RBMS3: variants seen among roughly 807,000 people sequenced by gnomAD.
RBMS3 encodes RNA-binding motif, single-stranded-interacting protein 3.
A neutral mutation model predicts 66.8 loss-of-function variants in RBMS3; 27 were observed. The ratio of observed to expected loss-of-function variants is 0.40; its 90% CI spans 0.30 to 0.56. The LOEUF is 0.56. Ranked by LOEUF, RBMS3 falls within the 20% of genes least tolerant of loss-of-function variation. The probability of loss-of-function intolerance (pLI) is 0.40; values close to 1 mark genes in which losing one functional copy is unlikely to be tolerated. For synonymous variants in RBMS3, 188 were observed against 183.0 expected (o/e 1.03, Z -0.22); for missense variants, 513 against 549.5 (o/e 0.93, Z 0.66).
chr3:29,527,644 T>A (rs1032839547), intron 3 of RBMS3, among the ~76,000 whole-genome samples: 2 of 152,210 alleles, frequency 1.3e-5, no homozygotes, highest in Admixed American at 6.5e-5. Flanking sequence ...CAAAGAAATA[T>A]CAATTGATAA....
chr3:29,876,877 A>G (rs576564134), intron 7 of RBMS3, among the ~76,000 whole-genome samples: 3 of 152,216 alleles, frequency 2.0e-5, no homozygotes, highest in African/African-American at 7.2e-5. Flanking sequence ...GCACTTGATC[A>G]TGAGATTTCT....
chr3:29,303,295 T>C (rs1559473050), intron 1 of RBMS3, among the ~76,000 whole-genome samples: 3 of 152,046 alleles, frequency 2.0e-5, no homozygotes, highest in Non-Finnish European at 1.5e-5. Context: ...AACCTGGTAA[T>C]TGAAATAATT....
At chr3:29,836,330 T>C (rs1559722311) in intron 6 of RBMS3, among the ~76,000 whole-genome samples, 1 of 152,068 alleles carries the variant, frequency 6.6e-6, no homozygotes, top group Non-Finnish European at 1.5e-5. Context: ...TTCAGGTCAA[T>C]ATCTCTGATA....
At chr3:29,784,712 C>CA (rs557455910) in intron 6 of RBMS3, among the ~76,000 whole-genome samples, 19 of 151,574 alleles carry the variant, frequency 1.3e-4, no homozygotes, top group Non-Finnish European at 2.4e-4. Context: ...GAATTTGAAA[C>CA]AAAAAATATA....
At chr3:29,437,163 G>T (rs552259219) in intron 2 of RBMS3, among the ~76,000 whole-genome samples, 24 of 152,304 alleles carry the variant, frequency 1.6e-4, no homozygotes, top group African/African-American at 5.8e-4. Flanking sequence ...TTACAGACTT[G>T]GTAGCATGAA....
intron 6 of RBMS3, among the ~76,000 whole-genome samples, chr3:29,847,496 G>A (rs2058810907): frequency 6.6e-6 from 1 of 152,116 alleles, no homozygotes; most frequent in Non-Finnish European, 1.5e-5. Flanking sequence ...TCTATATTAA[G>A]TCTTGAGTCA....
chr3:29,324,924 T>C (rs2035232177), intron 1 of RBMS3, among the ~76,000 whole-genome samples: 1 of 152,168 alleles, frequency 6.6e-6, no homozygotes, highest in Admixed American at 6.5e-5. Context: ...TCATGTCATT[T>C]CTGTTATGAA....
At chr3:29,797,926 ATTCTTTCT>A in intron 6 of RBMS3, 2 of 152,040 alleles carry the variant, frequency 1.3e-5, no homozygotes, top group Non-Finnish European at 2.9e-5. Flanking sequence ...AAGACACGCA[ATTCTTTCT>A]TTCACCTGAA....
intron 7 of RBMS3, among the ~76,000 whole-genome samples, chr3:29,881,997 C>G (rs1487814911): frequency 1.3e-5 from 2 of 152,154 alleles, no homozygotes; most frequent in Admixed American, 1.3e-4. Context: ...TCCTAAATCT[C>G]TCATGCACTA....
chr3:29,577,641 C>G (rs974203143), intron 3 of RBMS3, among the ~76,000 whole-genome samples: 2 of 152,198 alleles, frequency 1.3e-5, no homozygotes, highest in Non-Finnish European at 2.9e-5. Flanking sequence ...AATGCTCCCT[C>G]TGTGTGTGGG....
intron 10 of RBMS3, among the ~76,000 whole-genome samples, chr3:29,908,248 C>G (rs2122223): frequency 1.3e-5 from 2 of 149,982 alleles, no homozygotes; most frequent in South Asian, 2.1e-4. Context: ...AAGACCTTGT[C>G]TCAAAAAAAA....
chr3:29,529,508 T>C (rs2045267621), intron 3 of RBMS3, among the ~76,000 whole-genome samples: 1 of 152,208 alleles, frequency 6.6e-6, no homozygotes, highest in South Asian at 2.1e-4. Flanking sequence ...TTTTATACTT[T>C]ATTTAATCTA....
chr3:29,807,258 CT>C (rs1225984659), intron 6 of RBMS3, among the ~76,000 whole-genome samples: 3 of 151,904 alleles, frequency 2.0e-5, no homozygotes, highest in African/African-American at 4.8e-5. Context: ...AACTAAGCAA[CT>C]GTCTTTTTCT....
At chr3:29,694,956 A>G (rs983888583) in intron 4 of RBMS3, among the ~76,000 whole-genome samples, 6 of 152,244 alleles carry the variant, frequency 3.9e-5, no homozygotes, top group Admixed American at 3.3e-4. Context: ...GTTATTCATA[A>G]CTTAGCTAAG....
In RBMS3 at chr3:29,556,118, A is replaced by C. The variant is rs542383873; in HGVS notation, c.308-30996A>C. 2.8e-5 allele frequency among the ~76,000 whole-genome samples: 3 copies of C among 107,494 alleles called. No homozygotes were observed. The East Asian group carries it at 6.2e-4, about 22-fold the overall frequency. 70.5% of individuals were successfully genotyped at this position (107,494 alleles called of 152,430 possible). Reference sequence around the variant, plus strand: ...GTATCATAAGTGGTCTATCAGCCACAATAAAGTTTAAAAAAAAAGCTTATA... The same window carrying C: ...GTATCATAAGTGGTCTATCAGCCACCATAAAGTTTAAAAAAAAAGCTTATA... On this transcript the variant is annotated intron_variant, in intron 3 of 14. Transcript: ENST00000383767.
intron 7 of RBMS3, among the ~76,000 whole-genome samples, chr3:29,872,944 T>C (rs905059211): frequency 3.3e-5 from 5 of 152,166 alleles, no homozygotes; most frequent in Non-Finnish European, 7.3e-5. Context: ...GTTCCGTTGG[T>C]CTATGTGCCT....
chr3:29,724,853 C>G (rs548104560), intron 4 of RBMS3, among the ~76,000 whole-genome samples: 26 of 152,176 alleles, frequency 1.7e-4, no homozygotes, highest in African/African-American at 6.0e-4. Flanking sequence ...AAAAATAGCA[C>G]TTTATTATTG....
intron 11 of RBMS3, among the ~76,000 whole-genome samples, chr3:29,937,714 T>G (rs2061302741): frequency 6.6e-6 from 1 of 151,978 alleles, no homozygotes; most frequent in South Asian, 2.1e-4. Context: ...TAAGATATAT[T>G]TAACTATATG....
At position 29,783,189 on chromosome 3, in the gene RBMS3, A is replaced by T. The variant is rs545958452; in HGVS notation, c.637+20200A>T. 2.0e-5 allele frequency among the ~76,000 whole-genome samples: 3 copies of T among 152,180 alleles called. No individual in the cohort carries two copies. The South Asian group carries it at 6.2e-4, about 32-fold the overall frequency. On this transcript the variant is annotated intron_variant, in intron 6 of 14. Coordinates refer to ENST00000383767, the MANE Select transcript of RBMS3 (RefSeq NM_001003793.3). ...GATCTAGACCCCCCAAATGCAAGAAACTCAAAGAACACCTGGAAAATTAAT... is the reference window on the plus strand; with the variant it reads ...GATCTAGACCCCCCAAATGCAAGAATCTCAAAGAACACCTGGAAAATTAAT...
Sources: allele counts gnomAD v4.1 joint callset (sites outside exome capture counted in the v4.1 genomes callset), GRCh38; gene constraint gnomAD v4.1.1; transcripts MANE v1.5; gene names NCBI Gene and HGNC (gene_info 2026-07-23, HGNC 2026-07-21).